The following FAM81A variants were observed in gnomAD, a reference collection of about 807,000 sequenced individuals.
FAM81A encodes the protein protein FAM81A.
In FAM81A, 19 loss-of-function variants were observed where a neutral mutation model predicts 46.7. The observed-to-expected ratio is 0.41, with a 90% CI of 0.28 to 0.60. The LOEUF is 0.60. Among genes scored for constraint, FAM81A ranks in the 20% least tolerant of loss-of-function variants. The pLI is 0.34. For synonymous variants in FAM81A, 183 were observed against 152.9 expected, an observed-to-expected ratio of 1.20 and a Z score of -1.45; for missense variants, 377 against 453.5, an observed-to-expected ratio of 0.83 and a Z score of 1.53.
intron 4 of FAM81A, among the ~76,000 whole-genome samples, chr15:59,500,274 AT>A (rs1254795182): frequency 1.3e-5 from 2 of 151,950 alleles, no homozygotes; most frequent in African/African-American, 4.8e-5. Flanking sequence ...TTTTTTGAAT[AT>A]TTTTTATGCT....
At chr15:59,403,574 C>T (rs963368214) in intron 2 of FAM81A, among the ~76,000 whole-genome samples, 7 of 152,118 alleles carry the variant, frequency 4.6e-5, no homozygotes, top group African/African-American at 1.7e-4. Context: ...TTATGGCAGC[C>T]GAAGCAGATG....
chr15:59,507,853 C>G (rs1246883524), intron 5 of FAM81A, among the ~76,000 whole-genome samples: 12 of 152,182 alleles, frequency 7.9e-5, no homozygotes, highest in Non-Finnish European at 1.8e-4. Context: ...CAAAGCAAAA[C>G]TTTTGGCATT....
intron 2 of FAM81A, among the ~76,000 whole-genome samples, chr15:59,410,807 A>G (rs979691094): frequency 3.3e-4 from 50 of 152,036 alleles, no homozygotes; most frequent in African/African-American, 1.2e-3. Context: ...GCAGTGGCTG[A>G]TCTCGGCTTA....
At chr15:59,479,381 C>T (rs570057054) in intron 3 of FAM81A, among the ~76,000 whole-genome samples, 71 of 151,746 alleles carry the variant, frequency 4.7e-4, no homozygotes, top group African/African-American at 1.7e-3. Flanking sequence ...TGTGGTGGCA[C>T]GTGCCTGTAC....
chr15:59,496,559 C>G (rs2082036078), intron 4 of FAM81A, among the ~76,000 whole-genome samples: 1 of 152,030 alleles, frequency 6.6e-6, no homozygotes, highest in African/African-American at 2.4e-5. Context: ...GAGCCAAGAT[C>G]TCGCCACTGC....
intron 1 of FAM81A, chr15:59,402,032 GC>G: frequency 1.7e-6 from 1 of 579,122 alleles, no homozygotes. Context: ...GCCAGGAGCA[GC>G]CCCTGGGGTG....
rs969850465 is a variant in FAM81A at position 59,454,767 on chromosome 15, A to G, written c.-77-3783A>G. On this transcript the variant is annotated intron_variant, in intron 1 of 8. Coordinates refer to ENST00000288228, the MANE Select transcript of FAM81A (RefSeq NM_152450.3). ...TAGCCTCCCGGGTAGCTGGGACTAC[A>G]GATGCATGCCACCATGCCCAGCTAA... Among the ~76,000 whole-genome samples, 4 of 152,152 alleles carry G rather than the reference A, an allele frequency of 2.6e-5. No individual in the cohort carries two copies. In the East Asian group the frequency reaches 7.7e-4, roughly 29 times the overall value.
At chr15:59,514,480 T>C (rs1032199617) in intron 7 of FAM81A, 56 bp downstream of exon 7, 352 of 1,553,158 alleles carry the variant, frequency 2.3e-4, no homozygotes, top group Middle Eastern at 4.0e-4. Context: ...GGGCCTACAC[T>C]GTTTGAATAA....
At chr15:59,498,461 A>G (rs898065813) in intron 4 of FAM81A, among the ~76,000 whole-genome samples, 1 of 152,198 alleles carries the variant, frequency 6.6e-6, no homozygotes, top group Non-Finnish European at 1.5e-5. Context: ...AGATCATGCC[A>G]TCTGCAAATA....
chr15:59,487,186 A>T (rs78059882), intron 3 of FAM81A, among the ~76,000 whole-genome samples: 10 of 129,120 alleles, frequency 7.7e-5, no homozygotes, highest in Non-Finnish European at 1.5e-4. Flanking sequence ...ATATATATAT[A>T]TTTTATATAT....
At position 59,401,187 on chromosome 15, in the gene FAM81A, C is replaced by T. The variant is rs1301926648; in HGVS notation, c.-160-1089C>T. On this transcript the variant is annotated intron_variant, in intron 1 of 4. Coordinates refer to the FAM81A transcript ENST00000558348. ...GTAATGGCAGTTTTTTCAATTGGTG[C>T]GTAGTCCTCAATAATTATATATGAA... 1.2e-4 allele frequency: 93 copies of T among 797,720 alleles called. 1 individual carries two copies. Among genetic ancestry groups the T allele is most frequent in the Admixed American group, 3.8e-4 (22 of 58,172 alleles). 49.4% of individuals were successfully genotyped at this position (797,720 alleles called of 1,614,324 possible). A position where few individuals can be genotyped will look rare whatever the true frequency, so the allele number is the denominator to read the frequency against.
chr15:59,449,504 G>A lies in FAM81A; in HGVS notation c.-77-9046G>A, dbSNP rs184841708. On this transcript the variant is annotated intron_variant, in intron 1 of 8. Coordinates refer to ENST00000288228, the MANE Select transcript of FAM81A (RefSeq NM_152450.3). The stretch of plus-strand genomic sequence containing the variant: ...CCTTTAAAAAATGACATTGTAGGCC[G>A]GGCACGGTGGCTCACGCCTGTAATC... Among the ~76,000 whole-genome samples, 27 of 152,194 alleles carry A rather than the reference G, an allele frequency of 1.8e-4. No homozygotes were observed. In the East Asian group the frequency reaches 1.9e-3, roughly 11 times the overall value.
chr15:59,519,510 CTCTCTTTCTTTCCTTTCTT>C (rs1181557730), intron 8 of FAM81A, among the ~76,000 whole-genome samples: 2 of 138,416 alleles, frequency 1.4e-5, no homozygotes, highest in African/African-American at 5.2e-5. Context: ...TTCTCTCTTT[CTCTCTTTCTTTCCTTTCTT>C]TCTCTTTCTT....
At chr15:59,424,119 A>T (rs1422012139) in intron 2 of FAM81A, among the ~76,000 whole-genome samples, 3 of 151,544 alleles carry the variant, frequency 2.0e-5, no homozygotes, top group African/African-American at 7.3e-5. Flanking sequence ...GTCACCAGTG[A>T]CCTCCTTGTT....
intron 3 of FAM81A, among the ~76,000 whole-genome samples, chr15:59,466,809 A>G (rs992171587): frequency 3.3e-5 from 5 of 152,150 alleles, no homozygotes; most frequent in African/African-American, 1.2e-4. Context: ...GGTACTGCCT[A>G]GGTTTCTTCT....
At chr15:59,496,342 C>CA (rs759007409) in intron 4 of FAM81A, among the ~76,000 whole-genome samples, 27 of 152,218 alleles carry the variant, frequency 1.8e-4, no homozygotes, top group Admixed American at 1.1e-3. Context: ...AGCGGTGGCT[C>CA]ACGCCTGTAA....
rs781671988 is a variant in FAM81A at position 59,460,191 on chromosome 15, T to C, written c.279T>C (p.Leu93=). The change falls in exon 3 of 9, where the codon CTT becomes CTC. Residue 93 remains leucine, a synonymous_variant. Coordinates refer to ENST00000288228, the MANE Select transcript of FAM81A (RefSeq NM_152450.3). This position sits in a 1 kb window ranked among gnomAD's most constrained non-coding sequence, Gnocchi z 4.4. The part of the protein sequence containing the change: ...IRNITAIVKQ[L]NRDIEVLQEQ... The stretch of plus-strand genomic sequence containing the variant: ...ACATAACTGCCATAGTGAAGCAACT[T>C]AATCGGGATATCGAGGTAAGGTTTG... The C allele has an allele frequency of 6.2e-7, 1 of 1,614,030 alleles. No homozygotes were observed. Among genetic ancestry groups the C allele is most frequent in the South Asian group, 1.1e-5 (1 of 91,084 alleles).
chr15:59,492,726 A>G (rs1367354763), intron 4 of FAM81A, among the ~76,000 whole-genome samples: 1 of 152,114 alleles, frequency 6.6e-6, no homozygotes, highest in Non-Finnish European at 1.5e-5. Flanking sequence ...TGGAAATTTA[A>G]TTTTTCCTGT....
intron 8 of FAM81A, 48 bp from the exon 9 acceptor site, chr15:59,521,206 C>T: frequency 6.3e-7 from 1 of 1,579,816 alleles, no homozygotes; most frequent in Middle Eastern, 1.7e-4. Flanking sequence ...TTTGATACAG[C>T]ATTTTAAAAA....
Sources: allele counts gnomAD v4.1 joint callset (sites outside exome capture counted in the v4.1 genomes callset), GRCh38; gene constraint gnomAD v4.1.1; non-coding constraint Gnocchi (gnomAD v3.1); transcripts MANE v1.5; gene names NCBI Gene and HGNC (gene_info 2026-07-23, HGNC 2026-07-21).